TRAPPC9: variants seen among roughly 807,000 people sequenced by gnomAD.
The protein encoded by TRAPPC9 is trafficking protein particle complex subunit 9.
A neutral mutation model predicts 124.0 loss-of-function variants in TRAPPC9; 83 were observed. The ratio of observed to expected loss-of-function variants is 0.67; its 90% CI spans 0.56 to 0.80. The LOEUF is 0.80. Ranked by LOEUF, TRAPPC9 falls within the 30% of genes least tolerant of loss-of-function variation. TRAPPC9 has a pLI of 0.00. For missense variants in TRAPPC9, 1,302 were observed against 1,508.3 expected (o/e 0.86, Z 2.27); for synonymous variants, 638 against 617.5 (o/e 1.03, Z -0.49).
chr8:140,124,763 T>C (rs1471419526), intron 17 of TRAPPC9, among the ~76,000 whole-genome samples: 2 of 151,894 alleles, frequency 1.3e-5, no homozygotes, highest in Non-Finnish European at 2.9e-5. Context: ...GGCAGTGAGG[T>C]GGGGGTATAA....
At chr8:140,375,814 C>T (rs927437192) in intron 7 of TRAPPC9, among the ~76,000 whole-genome samples, 1 of 152,142 alleles carries the variant, frequency 6.6e-6, no homozygotes, top group Non-Finnish European at 1.5e-5. Flanking sequence ...TTGCAGTGAT[C>T]AGAAGAACAA....
At chr8:140,263,279 C>A (rs2064494475) in intron 15 of TRAPPC9, among the ~76,000 whole-genome samples, 1 of 152,164 alleles carries the variant, frequency 6.6e-6, no homozygotes, top group Admixed American at 6.5e-5. Context: ...CACCTTGCAC[C>A]TGTTTACCAT....
At chr8:140,222,447 T>G (rs2063357001) in intron 16 of TRAPPC9, among the ~76,000 whole-genome samples, 1 of 152,160 alleles carries the variant, frequency 6.6e-6, no homozygotes, top group South Asian at 2.1e-4. Flanking sequence ...GCTTTCGTGG[T>G]TCGCACCAAC....
In TRAPPC9 at chr8:139,732,110, G is replaced by A. The variant is rs563050274; in HGVS notation, c.3148C>T (p.Arg1050Trp). Residue 1050 changes from arginine (R) to tryptophan (W), a missense_variant, in exon 22 of 23, where the codon CGG becomes TGG. Arg to Trp is a moderately radical substitution (Grantham distance 101). Coordinates refer to ENST00000438773, the MANE Select transcript of TRAPPC9 (RefSeq NM_001160372.4). The part of the protein sequence containing the change: ...PVRLEVRLTN[R>W]SPRSVGPFAL... ...AAGGGCCCTACGCTGCGCGGGCTCC[G>A]GTTGGTCAGCCGCACCTCCAGGCGC... 263 of 1,606,920 alleles carry A rather than the reference G, an allele frequency of 1.6e-4. No homozygotes were observed. The South Asian group carries it at 2.6e-3, about 16-fold the overall frequency.
chr8:140,213,768 G>C (rs951674757), intron 17 of TRAPPC9, among the ~76,000 whole-genome samples: 5 of 152,200 alleles, frequency 3.3e-5, no homozygotes, highest in Admixed American at 6.5e-5. Context: ...AGGGAGGCCT[G>C]GCCCCGCCTC....
rs1284121829 is a variant in TRAPPC9 at position 139,730,054 on chromosome 8, C to T, written c.*1007G>A. On this transcript the variant is annotated 3_prime_UTR_variant, in exon 23 of 23. Transcript: ENST00000438773. Reference sequence around the variant, plus strand: ...ATGTGAGCCGTGTGCTTTCTCTCTCCGGTCCTCCCTGAGGAACGCAGGGCC... The same window carrying T: ...ATGTGAGCCGTGTGCTTTCTCTCTCTGGTCCTCCCTGAGGAACGCAGGGCC... 2.0e-5 allele frequency among the ~76,000 whole-genome samples: 3 copies of T among 152,112 alleles called. No homozygotes were observed. Among genetic ancestry groups the T allele is most frequent in the African/African-American group, 7.2e-5 (3 of 41,416 alleles).
intron 11 of TRAPPC9, among the ~76,000 whole-genome samples, chr8:140,296,697 T>C (rs1588113458): frequency 6.6e-6 from 1 of 152,244 alleles, no homozygotes; most frequent in East Asian, 1.9e-4. Context: ...TTCCTAGTGA[T>C]GTTTGAACAA....
At chr8:140,019,960 G>C (rs1447275476) in intron 18 of TRAPPC9, among the ~76,000 whole-genome samples, 1 of 152,142 alleles carries the variant, frequency 6.6e-6, no homozygotes, top group Non-Finnish European at 1.5e-5. Context: ...AGCCTCCTGA[G>C]TAGCTAGGAC....
intron 9 of TRAPPC9, among the ~76,000 whole-genome samples, chr8:140,312,485 C>A (rs1035914762): frequency 4.6e-5 from 7 of 151,986 alleles, no homozygotes; most frequent in Non-Finnish European, 1.5e-5. Flanking sequence ...AGGATAAATG[C>A]GATAATACAT....
intron 20 of TRAPPC9, among the ~76,000 whole-genome samples, chr8:139,895,539 C>G (rs1420064751): frequency 1.3e-5 from 2 of 152,132 alleles, no homozygotes; most frequent in African/African-American, 4.8e-5. Context: ...GATTTTGAAC[C>G]ATGTGCACCT....
chr8:139,917,942 A>C (rs1587208073), intron 19 of TRAPPC9, among the ~76,000 whole-genome samples: 1 of 152,240 alleles, frequency 6.6e-6, no homozygotes, highest in Admixed American at 6.5e-5. Flanking sequence ...TAGGGGACTG[A>C]GAGCTCTGCC....
chr8:140,280,028 A>G (rs2065259080), intron 14 of TRAPPC9, among the ~76,000 whole-genome samples: 1 of 152,230 alleles, frequency 6.6e-6, no homozygotes, highest in Non-Finnish European at 1.5e-5. Context: ...GAGCTCTCTC[A>G]GTGCCCACCT....
chr8:140,317,956 T>C (rs911361649), intron 9 of TRAPPC9, among the ~76,000 whole-genome samples: 11 of 152,188 alleles, frequency 7.2e-5, no homozygotes, highest in African/African-American at 2.4e-4. Context: ...CATTTGATTA[T>C]GGATTGGTAT....
At chr8:139,954,135 G>A (rs778106554) in intron 19 of TRAPPC9, among the ~76,000 whole-genome samples, 18 of 152,188 alleles carry the variant, frequency 1.2e-4, no homozygotes, top group Admixed American at 3.9e-4. Context: ...TGGGGACTGC[G>A]CCAGGGGTAG....
chr8:139,890,353 C>A (rs1830261375), intron 20 of TRAPPC9, among the ~76,000 whole-genome samples: 1 of 152,230 alleles, frequency 6.6e-6, no homozygotes. Context: ...GGGACATTTG[C>A]AGAGGTTGAG....
intron 17 of TRAPPC9, among the ~76,000 whole-genome samples, chr8:140,173,552 T>C (rs1587855554): frequency 1.7e-5 from 2 of 116,484 alleles, no homozygotes. Flanking sequence ...AGACTCTGTC[T>C]CAAAAAAAAA....
At chr8:139,945,543 C>CAAAAAAAAAAAAAAAAAAAAAAA (rs61528944) in intron 19 of TRAPPC9, among the ~76,000 whole-genome samples, 2 of 66,168 alleles carry the variant, frequency 3.0e-5, no homozygotes, top group Non-Finnish European at 5.0e-5. Context: ...GCACAATTAG[C>CAAAAAAAAAAAAAAAAAAAAAAA]AAAAAAAAAA....
intron 17 of TRAPPC9, among the ~76,000 whole-genome samples, chr8:140,159,751 G>C (rs541327732): frequency 6.6e-6 from 1 of 152,216 alleles, no homozygotes; most frequent in Non-Finnish European, 1.5e-5. Context: ...TGCCCACAGT[G>C]GTGCAAAGCA....
intron 21 of TRAPPC9, among the ~76,000 whole-genome samples, chr8:139,752,206 A>ACCAT (rs200963563): frequency 4.1e-4 from 61 of 148,290 alleles, no homozygotes; most frequent in Admixed American, 2.7e-3. Context: ...CTACCCATCT[A>ACCAT]CCATCCATCC....
Sources: gnomAD v4.1 joint callset for allele counts (sites outside exome capture counted in the v4.1 genomes callset) on GRCh38, gnomAD v4.1.1 for gene constraint, MANE v1.5 for transcripts, NCBI Gene and HGNC (gene_info 2026-07-23, HGNC 2026-07-21) for gene names.